Variants in OSBPL2 observed in about 807,000 individuals in gnomAD.
OSBPL2 encodes the protein oxysterol-binding protein-related protein 2.
OSBPL2 carries 18 observed loss-of-function variants against 58.4 expected under a neutral mutation model. That is an observed-to-expected ratio of 0.31 (90% CI 0.21 to 0.46). OSBPL2 has a LOEUF of 0.46. Ranked by LOEUF, OSBPL2 falls within the 20% of genes least tolerant of loss-of-function variation. The pLI, the probability that OSBPL2 is intolerant of heterozygous loss-of-function variation, is 1.00. For missense variants in OSBPL2, 461 were observed against 616.5 expected (o/e 0.75, Z 2.67); for synonymous variants, 221 against 234.1 (o/e 0.94, Z 0.51).
chr20:62,279,096 G>A, intron 6 of OSBPL2, 61 bp from the exon 7 acceptor site: 2 of 1,428,430 alleles, frequency 1.4e-6, no homozygotes, highest in Non-Finnish European at 1.9e-6. Context: ...TGATGTCTGA[G>A]CTGCCCTTTC....
At chr20:62,285,657 A>G (rs1983065163) in intron 10 of OSBPL2, 1 of 152,388 alleles carries the variant, frequency 6.6e-6, no homozygotes, top group South Asian at 2.0e-4. Flanking sequence ...GTGTGAATGA[A>G]CCTGCTGTTT....
intron 4 of OSBPL2, among the ~76,000 whole-genome samples, chr20:62,264,189 A>G (rs565426078): frequency 1.3e-5 from 2 of 152,336 alleles, no homozygotes; most frequent in South Asian, 2.1e-4. Context: ...GAAACGGGAC[A>G]TAAGAACCAT....
At chr20:62,293,186 T>TG (rs1555855121) in intron 13 of OSBPL2, among the ~76,000 whole-genome samples, 2 of 151,344 alleles carry the variant, frequency 1.3e-5, no homozygotes, top group East Asian at 3.9e-4. Flanking sequence ...TTTAAAGTGT[T>TG]AAAAAAAATA....
chr20:62,286,781 G>A (rs892397570), intron 11 of OSBPL2, 70 bp downstream of exon 11: 9 of 1,537,834 alleles, frequency 5.9e-6, no homozygotes, highest in Middle Eastern at 2.3e-4. Context: ...CCAGCCCCAC[G>A]GCTCTTCCCT....
chr20:62,286,707 C>G lies in OSBPL2; in HGVS notation c.1121C>G (p.Ala374Gly), dbSNP rs776832763. 6.2e-7 allele frequency: 1 copy of G among 1,611,702 alleles called. No individual in the cohort carries two copies. The highest frequency in any genetic ancestry group is 8.5e-7 in the Non-Finnish European group (1 of 1,178,626). ...ATCAACACCCGGCCCCCCAACTCTG[C>G]CCAGGTCTGTGTCCCTCCATGGCCT... ...WRINTRPPNS[A>G]QMYNFTSFTV... Residue 374 changes from alanine to glycine, a missense_variant, in exon 11 of 14, where the codon GCC becomes GGC. Transcript: ENST00000313733.
chr20:62,268,842 A>T (rs1981866947), intron 4 of OSBPL2, among the ~76,000 whole-genome samples: 1 of 152,066 alleles, frequency 6.6e-6, no homozygotes, highest in Non-Finnish European at 1.5e-5. Context: ...CGGATCACGA[A>T]GTCAGGAGTT....
Position 62,260,085 on chromosome 20 carries a change from G to C in OSBPL2, c.142G>C (p.Gly48Arg). Residue 48 changes from glycine to arginine, a missense_variant, in exon 3 of 14, where the codon GGG becomes CGG. By Grantham distance (125) the Gly-to-Arg change is moderately radical. Coordinates refer to ENST00000313733, the MANE Select transcript of OSBPL2 (RefSeq NM_144498.4). ...CAAAAATAATAGGATTGGGAAAACT[G>C]GGGAGAGGCCCTCTCAAGAGAACGG... The part of the protein sequence containing the change: ...TSKNNRIGKT[G>R]ERPSQENGIQ... 3 of 1,613,870 alleles carry C rather than the reference G, an allele frequency of 1.9e-6. No homozygotes were observed. The highest frequency in any genetic ancestry group is 2.5e-6 in the Non-Finnish European group (3 of 1,179,800).
chr20:62,273,404 C>G lies in OSBPL2; in HGVS notation c.489C>G (p.Ile163Met), dbSNP rs1982192401. Reference sequence around the variant, plus strand: ...TCTTGGGAGAAACGTATGAATTAATCAGGTAAGGGGGGAAAGGCCCATCAT... The same window carrying G: ...TCTTGGGAGAAACGTATGAATTAATGAGGTAAGGGGGGAAAGGCCCATCAT... ...NPLLGETYEL[I>M]REDLGFRFIS... Residue 163 changes from isoleucine (I) to methionine (M), a missense_variant and splice_region_variant, in exon 6 of 14, where the codon ATC becomes ATG. Coordinates refer to ENST00000313733, the MANE Select transcript of OSBPL2 (RefSeq NM_144498.4). The G allele has an allele frequency of 6.3e-7, 1 of 1,594,392 alleles. No homozygotes were observed. The highest frequency in any genetic ancestry group is 8.5e-7 in the Non-Finnish European group (1 of 1,170,272).
rs1983282992 is a variant in OSBPL2, at chr20:62,288,514, CGGAGGCTGTGGGTGCAGAGGCT to C, written c.1126-690_1126-669del. Among the ~76,000 whole-genome samples the C allele has an allele frequency of 1.7e-5, 2 of 114,570 alleles. No homozygotes were observed. The highest frequency in any genetic ancestry group is 6.9e-5 in the African/African-American group (2 of 28,984). 75.2% of individuals were successfully genotyped at this position (114,570 alleles called of 152,430 possible). ...GCTGGGAGGCTGTGGGTGCAGAGGC[CGGAGGCTGTGGGTGCAGAGGCT>C]GGGAGGCTGTGGGTGCAGAGGCCGG... On this transcript the variant is annotated intron_variant, in intron 11 of 13. Coordinates refer to ENST00000313733, the MANE Select transcript of OSBPL2 (RefSeq NM_144498.4). The surrounding 1 kb of genome is among the most constrained non-coding windows in gnomAD (Gnocchi z 4.8).
intron 11 of OSBPL2, among the ~76,000 whole-genome samples, chr20:62,286,979 C>T (rs1041186963): frequency 7.2e-5 from 11 of 152,338 alleles, no homozygotes; most frequent in East Asian, 3.9e-4. Context: ...GAGGTGTGGA[C>T]GCATGCTCAG....
At chr20:62,275,091 A>G (rs1287823181) in intron 6 of OSBPL2, among the ~76,000 whole-genome samples, 1 of 152,160 alleles carries the variant, frequency 6.6e-6, no homozygotes, top group Admixed American at 6.5e-5. Context: ...CGCCTGGAAT[A>G]CCTGCAACTC....
At position 62,272,330 on chromosome 20, in the gene OSBPL2, C is replaced by T. The variant is rs891741706; in HGVS notation, c.393+71C>T. On this transcript the variant is annotated intron_variant, in intron 5 of 13. Transcript: ENST00000313733. ...CCCCTTGCATGTCTGGCCACACAGTCTTGGGGCCCCAGGCATCTGTGAGGA... is the reference window on the plus strand; with the variant it reads ...CCCCTTGCATGTCTGGCCACACAGTTTTGGGGCCCCAGGCATCTGTGAGGA... The T allele has an allele frequency of 1.6e-5, 25 of 1,555,878 alleles. No individual in the cohort carries two copies. The African/African-American group carries it at 2.0e-4, about 13-fold the overall frequency.
intron 10 of OSBPL2, chr20:62,284,376 T>A (rs1982983043): frequency 7.1e-6 from 1 of 141,346 alleles, no homozygotes; most frequent in East Asian, 1.2e-4. Flanking sequence ...TTCTTTCCAT[T>A]TTTTTTTTTT....
chr20:62,260,203 C>G (rs951999613), intron 3 of OSBPL2, 78 bp downstream of exon 3: 1 of 1,409,642 alleles, frequency 7.1e-7, no homozygotes, highest in Non-Finnish European at 9.8e-7. Context: ...ACCCCTCAGC[C>G]CTCACGAGCA....
chr20:62,248,547 G>A (rs933933617), intron 1 of OSBPL2, among the ~76,000 whole-genome samples: 6 of 152,122 alleles, frequency 3.9e-5, no homozygotes, highest in East Asian at 1.9e-4. Flanking sequence ...CAGCATGTCC[G>A]GGGTGCCCTG....
intron 13 of OSBPL2, among the ~76,000 whole-genome samples, chr20:62,292,122 G>A (rs1363896580): frequency 6.6e-6 from 1 of 152,232 alleles, no homozygotes; most frequent in Admixed American, 6.5e-5. Flanking sequence ...CCTCAGACCC[G>A]GGTCTACTGC....
At chr20:62,259,847 T>C in intron 2 of OSBPL2, 134 bp from the exon 3 acceptor site, 2 of 799,310 alleles carry the variant, frequency 2.5e-6, no homozygotes, top group Admixed American at 4.8e-5. Context: ...GAACCAGAGT[T>C]AATTCTTCCA....
chr20:62,252,213 T>C (rs761986838), intron 1 of OSBPL2, among the ~76,000 whole-genome samples: 3 of 152,032 alleles, frequency 2.0e-5, no homozygotes, highest in Non-Finnish European at 4.4e-5. Flanking sequence ...GACAGCTTTT[T>C]TGAGGTATAA....
At chr20:62,248,307 A>C (rs1247017441) in intron 1 of OSBPL2, among the ~76,000 whole-genome samples, 1 of 151,430 alleles carries the variant, frequency 6.6e-6, no homozygotes, top group Non-Finnish European at 1.5e-5. Context: ...AGTGCACGCC[A>C]CCATGCCTGG....
Sources: allele counts gnomAD v4.1 joint callset (sites outside exome capture counted in the v4.1 genomes callset), GRCh38; gene constraint gnomAD v4.1.1; non-coding constraint Gnocchi (gnomAD v3.1); transcripts MANE v1.5; gene names NCBI Gene and HGNC (gene_info 2026-07-23, HGNC 2026-07-21).